The following MAD1L1 variants were observed in gnomAD, a reference collection of about 807,000 sequenced individuals.
MAD1L1 encodes mitotic spindle assembly checkpoint protein MAD1.
A neutral mutation model predicts 96.9 loss-of-function variants in MAD1L1; 95 were observed. That is an observed-to-expected ratio of 0.98 (90% CI 0.83 to 1.16). MAD1L1 has a LOEUF of 1.16. Ranked by LOEUF, MAD1L1 falls within the 50% of genes most tolerant of loss-of-function variation. The probability of loss-of-function intolerance (pLI) is 0.00; values close to 1 mark genes in which losing one functional copy is unlikely to be tolerated. For synonymous variants in MAD1L1, 473 were observed against 396.6 expected, an observed-to-expected ratio of 1.19 and a Z score of -2.29; for missense variants, 1,007 against 954.4, an observed-to-expected ratio of 1.06 and a Z score of -0.73.
At chr7:1,908,504 C>T (rs1480966126) in intron 17 of MAD1L1, among the ~76,000 whole-genome samples, 1 of 152,214 alleles carries the variant, frequency 6.6e-6, no homozygotes, top group Admixed American at 6.5e-5. Context: ...ACCTCAGCTT[C>T]CCAAGTAGCT....
At chr7:1,992,235 C>T (rs978239629) in intron 14 of MAD1L1, among the ~76,000 whole-genome samples, 1 of 152,008 alleles carries the variant, frequency 6.6e-6, no homozygotes, top group Non-Finnish European at 1.5e-5. Flanking sequence ...CTGACTTCCA[C>T]GCTGGATACC....
rs1004289609 is a variant in MAD1L1 at position 1,878,740 on chromosome 7, C to G, written c.1998+19460G>C. ...AAACAAGGTAAAAATGTCCCCCCCC[C>G]CCCATTCTTATTCAGCACTGTACTG... On this transcript the variant is annotated intron_variant, in intron 18 of 18. Transcript: ENST00000265854. Among the ~76,000 whole-genome samples the G allele has an allele frequency of 5.9e-3, 870 of 148,574 alleles. 10 individuals carry two copies. Among genetic ancestry groups the G allele is most frequent in the African/African-American group, 0.02 (820 of 40,462 alleles).
At chr7:1,915,996 G>A (rs1562521117) in intron 17 of MAD1L1, among the ~76,000 whole-genome samples, 2 of 152,212 alleles carry the variant, frequency 1.3e-5, no homozygotes, top group African/African-American at 2.4e-5. Flanking sequence ...AAAATGGCAG[G>A]GATTTAAGTA....
intron 17 of MAD1L1, among the ~76,000 whole-genome samples, chr7:1,922,231 C>G (rs952198929): frequency 2.6e-5 from 4 of 152,210 alleles, no homozygotes; most frequent in Non-Finnish European, 5.9e-5. Flanking sequence ...TGGACCTGGC[C>G]GCGCCGCGTC....
rs372483865 is a variant in MAD1L1, at chr7:2,120,354, C to T, written c.1073+28798G>A. On this transcript the variant is annotated intron_variant, in intron 11 of 18. Coordinates refer to ENST00000265854, the MANE Select transcript of MAD1L1 (RefSeq NM_001013836.2). ...TCCTCCCAGCTGATAACGAAGGCTG[C>T]GCTGCAGCAGCCTCTGCCTCCACAG... Among the ~76,000 whole-genome samples the T allele has an allele frequency of 1.4e-3, 219 of 152,364 alleles. 1 individual carries two copies. The highest frequency in any genetic ancestry group is 4.9e-3 in the African/African-American group (203 of 41,584).
chr7:1,979,752 CGCCTGGCTGCTGCACT>C (rs1780808474), intron 15 of MAD1L1, among the ~76,000 whole-genome samples: 2 of 152,190 alleles, frequency 1.3e-5, no homozygotes, highest in Non-Finnish European at 2.9e-5. Flanking sequence ...CTGCTGGACA[CGCCTGGCTGCTGCACT>C]GCCTGGGCTC....
At chr7:2,064,659 A>G (rs949026795) in intron 12 of MAD1L1, among the ~76,000 whole-genome samples, 25 of 150,590 alleles carry the variant, frequency 1.7e-4, no homozygotes, top group Admixed American at 6.6e-4. Flanking sequence ...GGCTTCTCCT[A>G]GGAGGACAGT....
chr7:1,824,816 G>A (rs373635382), intron 18 of MAD1L1, among the ~76,000 whole-genome samples: 52 of 152,172 alleles, frequency 3.4e-4, no homozygotes, highest in African/African-American at 1.0e-3. Context: ...CTCTCCGGGC[G>A]TCTCAAGTTG....
chr7:2,116,000 G>A (rs993399489), intron 11 of MAD1L1, among the ~76,000 whole-genome samples: 1 of 152,246 alleles, frequency 6.6e-6, no homozygotes, highest in African/African-American at 2.4e-5. Flanking sequence ...AGGCTCAGTG[G>A]GAATGGGGCC....
At chr7:1,994,378 C>T (rs1485008647) in intron 14 of MAD1L1, among the ~76,000 whole-genome samples, 1 of 152,208 alleles carries the variant, frequency 6.6e-6, no homozygotes, top group Non-Finnish European at 1.5e-5. Context: ...ACTGAAAAGA[C>T]ATCCTCAGAG....
intron 14 of MAD1L1, among the ~76,000 whole-genome samples, chr7:2,001,286 C>T (rs151162740): frequency 8.5e-5 from 13 of 152,404 alleles, no homozygotes; most frequent in African/African-American, 1.9e-4. Flanking sequence ...TGCAGACACA[C>T]GCACGCACGC....
chr7:1,951,760 T>C (rs983828166), intron 16 of MAD1L1, among the ~76,000 whole-genome samples: 2 of 152,048 alleles, frequency 1.3e-5, no homozygotes, highest in Non-Finnish European at 1.5e-5. Flanking sequence ...GCGGCAGGTG[T>C]CGGGACGCGC....
chr7:2,056,387 T>C (rs1445514156), intron 12 of MAD1L1, among the ~76,000 whole-genome samples: 2 of 144,428 alleles, frequency 1.4e-5, no homozygotes, highest in East Asian at 4.0e-4. Context: ...GTGGGAGGGA[T>C]GGAGGCCCTC....
chr7:2,033,395 G>A (rs145461609), intron 12 of MAD1L1, among the ~76,000 whole-genome samples: 4 of 152,352 alleles, frequency 2.6e-5, no homozygotes, highest in East Asian at 1.9e-4. Flanking sequence ...TGTGGGCCCC[G>A]AAGCAGTGGA....
chr7:2,209,651 G>C (rs938061529), intron 10 of MAD1L1, among the ~76,000 whole-genome samples: 5 of 152,194 alleles, frequency 3.3e-5, no homozygotes, highest in African/African-American at 1.2e-4. Flanking sequence ...CAAGGCGGGG[G>C]CACCACCTAG....
At chr7:2,154,151 T>C (rs780654143) in intron 10 of MAD1L1, among the ~76,000 whole-genome samples, 6 of 151,746 alleles carry the variant, frequency 4.0e-5, no homozygotes, top group Non-Finnish European at 7.4e-5. Context: ...CAAGACTCCA[T>C]CTCAAAAAAA....
intron 11 of MAD1L1, among the ~76,000 whole-genome samples, chr7:2,085,235 G>A (rs1395960188): frequency 6.6e-6 from 1 of 152,222 alleles, no homozygotes; most frequent in African/African-American, 2.4e-5. Flanking sequence ...AGACACAATG[G>A]TGACTGTCCT....
chr7:1,967,546 A>G (rs1214669699), intron 15 of MAD1L1, among the ~76,000 whole-genome samples: 1 of 152,238 alleles, frequency 6.6e-6, no homozygotes, highest in Middle Eastern at 3.2e-3. Context: ...GGGAGGGTGT[A>G]GAAGCAGTGC....
chr7:2,160,062 T>C (rs982303379), intron 10 of MAD1L1, among the ~76,000 whole-genome samples: 3 of 131,808 alleles, frequency 2.3e-5, no homozygotes, highest in African/African-American at 7.4e-5. Context: ...ACCCCGTCTC[T>C]GCAAAAAAAA....
Sources: allele counts gnomAD v4.1 joint callset (sites outside exome capture counted in the v4.1 genomes callset), GRCh38; gene constraint gnomAD v4.1.1; transcripts MANE v1.5; gene names NCBI Gene and HGNC (gene_info 2026-07-23, HGNC 2026-07-21).